KDM4C: variants seen among roughly 807,000 people sequenced by gnomAD.
KDM4C encodes lysine demethylase 4C, also known as lysine-specific demethylase 4C.
A neutral mutation model predicts 129.3 loss-of-function variants in KDM4C; 81 were observed. The ratio of observed to expected loss-of-function variants is 0.63; its 90% confidence interval spans 0.52 to 0.75. The LOEUF is 0.75. Ranked by LOEUF, KDM4C falls within the 30% of genes least tolerant of loss-of-function variation. The pLI is 0.00. For missense variants in KDM4C, 1,457 were observed against 1,304.0 expected (o/e 1.12, Z -1.81); for synonymous variants, 573 against 456.1 (o/e 1.26, Z -3.26).
intron 18 of KDM4C, among the ~76,000 whole-genome samples, chr9:7,105,760 G>A (rs778448887): frequency 6.6e-6 from 1 of 152,268 alleles, no homozygotes; most frequent in South Asian, 2.1e-4. Flanking sequence ...TATTGAAGTT[G>A]CTATTAAAGA....
intron 17 of KDM4C, among the ~76,000 whole-genome samples, chr9:7,085,535 A>G (rs1835012324): frequency 6.6e-6 from 1 of 152,202 alleles, no homozygotes; most frequent in Admixed American, 6.5e-5. Flanking sequence ...ACCCTGGAAC[A>G]GCTCTGGTCT....
chr9:7,079,987 G>A (rs1254712613), intron 17 of KDM4C, among the ~76,000 whole-genome samples: 1 of 152,008 alleles, frequency 6.6e-6, no homozygotes, highest in African/African-American at 2.4e-5. Context: ...CAGGCTTTGA[G>A]GGCAAGTCTC....
intron 15 of KDM4C, among the ~76,000 whole-genome samples, chr9:7,039,050 T>C (rs529480146): frequency 1.3e-5 from 2 of 152,156 alleles, no homozygotes; most frequent in South Asian, 2.1e-4. Flanking sequence ...TTTTGATATG[T>C]ATCTTTTGTC....
At chr9:6,921,467 C>T (rs1461937375) in intron 8 of KDM4C, among the ~76,000 whole-genome samples, 5 of 152,170 alleles carry the variant, frequency 3.3e-5, no homozygotes, top group Non-Finnish European at 5.9e-5. Flanking sequence ...ACTGCTCACT[C>T]GCTTTCTGTT....
At chr9:6,889,846 A>G (rs1034665976) in intron 7 of KDM4C, among the ~76,000 whole-genome samples, 1 of 152,218 alleles carries the variant, frequency 6.6e-6, no homozygotes, top group South Asian at 2.1e-4. Context: ...CCCTTTCCCC[A>G]GGAGGGAGGC....
intron 4 of KDM4C, among the ~76,000 whole-genome samples, chr9:6,836,593 T>C (rs1048834431): frequency 6.6e-6 from 1 of 152,172 alleles, no homozygotes; most frequent in Non-Finnish European, 1.5e-5. Context: ...ATTTTGTGTT[T>C]GATTTCTTGC....
chr9:6,968,367 A>G (rs1255671495), intron 8 of KDM4C, among the ~76,000 whole-genome samples: 1 of 152,160 alleles, frequency 6.6e-6, no homozygotes, highest in African/African-American at 2.4e-5. Flanking sequence ...CCATTGAGGA[A>G]AGGAGACCAA....
chr9:6,724,092 A>C (rs886271865), intron 1 of KDM4C: 1 of 152,222 alleles, frequency 6.6e-6, no homozygotes, highest in Non-Finnish European at 1.5e-5. Flanking sequence ...TAATACTACT[A>C]TACTGATGAA....
chr9:6,765,117 A>C (rs1348651477), intron 1 of KDM4C, among the ~76,000 whole-genome samples: 1 of 152,166 alleles, frequency 6.6e-6, no homozygotes, highest in East Asian at 1.9e-4. Context: ...CATGATCTTT[A>C]AGGCCTATTG....
At position 6,986,528 on chromosome 9, in the gene KDM4C, A is replaced by G. The variant is rs1056648027; in HGVS notation, c.1539A>G (p.Ser513=). The G allele has an allele frequency of 5.0e-6, 8 of 1,614,058 alleles. No homozygotes were observed. Among genetic ancestry groups the G allele is most frequent in the Non-Finnish European group, 6.8e-6 (8 of 1,180,028 alleles). ...TTTCATGGCCAAAGTCACCTGAGTC[A>G]TGCTCATCAGTGGCAGAGAGTAATG... ...SELSWPKSPE[S]CSSVAESNGV... is the part of the protein sequence containing the mutation. The change falls in exon 11 of 22, where the codon TCA becomes TCG. Residue 513 remains serine, a synonymous_variant. Transcript: ENST00000381309.
chr9:6,984,478 C>A, intron 10 of KDM4C, 74 bp downstream of exon 10: 1 of 973,722 alleles, frequency 1.0e-6, no homozygotes, highest in Non-Finnish European at 1.6e-6. Context: ...AATGGATGTT[C>A]ACTATGACAA....
intron 3 of KDM4C, among the ~76,000 whole-genome samples, chr9:6,808,107 C>T (rs62568050): frequency 4.3e-5 from 2 of 46,262 alleles, no homozygotes; most frequent in African/African-American, 1.4e-4. Flanking sequence ...CCGCCCCGTC[C>T]GGGAGGTGAG....
At chr9:6,834,408 C>G (rs1292128535) in intron 4 of KDM4C, 26 of 403,314 alleles carry the variant, frequency 6.4e-5, no homozygotes, top group South Asian at 5.0e-4. Context: ...AGCACAGACC[C>G]TGGCCCTCAC....
intron 11 of KDM4C, among the ~76,000 whole-genome samples, chr9:6,989,647 G>A (rs1448100412): frequency 6.6e-6 from 1 of 152,036 alleles, no homozygotes; most frequent in Non-Finnish European, 1.5e-5. Context: ...TGAATGGAAA[G>A]AAGTGTTGCA....
At chr9:6,856,747 ATTTTTTTT>A (rs781673639) in intron 5 of KDM4C, among the ~76,000 whole-genome samples, 3 of 104,302 alleles carry the variant, frequency 2.9e-5, no homozygotes, top group Non-Finnish European at 3.8e-5. Flanking sequence ...TAATTTTTGT[ATTTTTTTT>A]TTTTTTTTTT....
At chr9:6,741,582 G>A (rs971220298) in intron 1 of KDM4C, among the ~76,000 whole-genome samples, 1 of 150,968 alleles carries the variant, frequency 6.6e-6, no homozygotes, top group African/African-American at 2.4e-5. Context: ...AGTTTTGTTT[G>A]CAACACATTC....
At chr9:7,019,736 A>G (rs1409468826) in intron 15 of KDM4C, among the ~76,000 whole-genome samples, 2 of 117,456 alleles carry the variant, frequency 1.7e-5, no homozygotes, top group African/African-American at 7.3e-5. Flanking sequence ...TTTTATATAT[A>G]AAAATATAAT....
At chr9:6,841,816 G>T (rs1375730834) in intron 4 of KDM4C, among the ~76,000 whole-genome samples, 2 of 152,284 alleles carry the variant, frequency 1.3e-5, no homozygotes, top group East Asian at 3.9e-4. Flanking sequence ...CCTGGCAAAT[G>T]GCTAAGTTCT....
intron 17 of KDM4C, among the ~76,000 whole-genome samples, chr9:7,083,081 C>T (rs1834721825): frequency 6.6e-6 from 1 of 152,166 alleles, no homozygotes; most frequent in Non-Finnish European, 1.5e-5. Context: ...TGGATATACT[C>T]AACAGTTCAG....
Sources: gnomAD v4.1 joint callset for allele counts (sites outside exome capture counted in the v4.1 genomes callset) on GRCh38, gnomAD v4.1.1 for gene constraint, MANE v1.5 for transcripts, NCBI Gene and HGNC (gene_info 2026-07-23, HGNC 2026-07-21) for gene names.